SLC26A7: variants seen among roughly 807,000 people sequenced by gnomAD.
SLC26A7 encodes the protein anion exchange transporter.
A neutral mutation model predicts 82.5 loss-of-function variants in SLC26A7; 59 were observed. The observed-to-expected ratio is 0.72, with a 90% confidence interval of 0.58 to 0.89. The LOEUF (loss-of-function observed/expected upper bound fraction) is 0.89. Among genes scored for constraint, SLC26A7 ranks in the 40% least tolerant of loss-of-function variants. The pLI is 0.00. For missense variants in SLC26A7, 820 were observed against 793.0 expected (o/e 1.03, Z -0.41); for synonymous variants, 271 against 274.3 (o/e 0.99, Z 0.12).
intron 2 of SLC26A7, among the ~76,000 whole-genome samples, chr8:91,229,782 T>C (rs1484882708): frequency 6.6e-6 from 1 of 152,226 alleles, no homozygotes; most frequent in East Asian, 1.9e-4. Flanking sequence ...GTAAGGTTGC[T>C]GGATTTTACA....
At chr8:91,221,142 T>C (rs1016377985) in intron 2 of SLC26A7, among the ~76,000 whole-genome samples, 2 of 152,242 alleles carry the variant, frequency 1.3e-5, no homozygotes, top group Non-Finnish European at 2.9e-5. Flanking sequence ...TTTCTTCATA[T>C]GTTTGTTGGC....
intron 15 of SLC26A7, among the ~76,000 whole-genome samples, chr8:91,378,093 C>T (rs1814566504): frequency 6.6e-6 from 1 of 151,782 alleles, no homozygotes; most frequent in South Asian, 2.1e-4. Flanking sequence ...CATTATTTCC[C>T]AAAGAATTTG....
chr8:91,384,764 GAGGAAGGAAGGA>G (rs34207560), intron 15 of SLC26A7, among the ~76,000 whole-genome samples: 8 of 150,016 alleles, frequency 5.3e-5, no homozygotes, highest in East Asian at 1.9e-4. Flanking sequence ...TGACTGCTGG[GAGGAAGGAAGGA>G]AGGAAGGAAG....
chr8:91,272,878 G>C (rs1433265796), intron 2 of SLC26A7, among the ~76,000 whole-genome samples: 1 of 152,172 alleles, frequency 6.6e-6, no homozygotes, highest in Non-Finnish European at 1.5e-5. Flanking sequence ...GGCTAGTTAG[G>C]AGAGACTAGT....
At chr8:91,305,916 T>G (rs1188265894) in intron 4 of SLC26A7, among the ~76,000 whole-genome samples, 1 of 152,158 alleles carries the variant, frequency 6.6e-6, no homozygotes, top group Non-Finnish European at 1.5e-5. Flanking sequence ...AGATCAATCC[T>G]ACCAAAGCAC....
rs117386450 is a variant in SLC26A7, at chr8:91,318,816, G to A, written c.642+436G>A. Among the ~76,000 whole-genome samples the A allele has an allele frequency of 1.3e-3, 204 of 152,226 alleles. 1 individual carries two copies. The highest frequency in any genetic ancestry group is 2.2e-3 in the Non-Finnish European group (148 of 68,014). On this transcript the variant is annotated intron_variant, in intron 5 of 18. Coordinates refer to ENST00000276609, the MANE Select transcript of SLC26A7 (RefSeq NM_052832.4). ...CTGAAGCCTCAGTAGCAGACAATCAGCTATTAAAAACCACCTGAACCCAAG... is the reference window on the plus strand; with the variant it reads ...CTGAAGCCTCAGTAGCAGACAATCAACTATTAAAAACCACCTGAACCCAAG...
At chr8:91,248,282 A>G (rs941164902), upstream of SLC26A7, among the ~76,000 whole-genome samples, 2 of 152,088 alleles carry the variant, frequency 1.3e-5, no homozygotes, top group Non-Finnish European at 2.9e-5. Context: ...GTATTTTTGC[A>G]CAGACACAAA....
At chr8:91,237,151 T>A (rs1810404298) in intron 2 of SLC26A7, among the ~76,000 whole-genome samples, 1 of 152,180 alleles carries the variant, frequency 6.6e-6, no homozygotes, top group African/African-American at 2.4e-5. Context: ...GTATTTCCAA[T>A]CCAATTCACT....
intron 6 of SLC26A7, among the ~76,000 whole-genome samples, chr8:91,336,258 G>A (rs1813237986): frequency 6.6e-6 from 1 of 152,088 alleles, no homozygotes; most frequent in African/African-American, 2.4e-5. Context: ...ACCCTCTGAA[G>A]CAGGGGTCCT....
rs1306267648 is a variant in SLC26A7 at position 91,383,739 on chromosome 8, C to G, written c.1676-5599C>G. Among the ~76,000 whole-genome samples the G allele has an allele frequency of 2.0e-5, 3 of 152,170 alleles. No homozygotes were observed. In the East Asian group the frequency reaches 5.8e-4, roughly 29 times the overall value. On this transcript the variant is annotated intron_variant, in intron 15 of 18. Transcript: ENST00000276609. ...GAAGAGGCACTCTGTTGAGGTCTTT[C>G]TGAGCATTATGACTTGCTGGGTCTA...
rs557392701 is a variant in SLC26A7, at chr8:91,397,544, T to C, written c.*2447T>C. 1.3e-5 allele frequency: 2 copies of C among 152,688 alleles called. No homozygotes were observed. Among genetic ancestry groups the C allele is most frequent in the African/African-American group, 2.4e-5 (1 of 41,582 alleles). 9.5% of individuals were successfully genotyped at this position (152,688 alleles called of 1,614,324 possible). ...GTGTTAAGGACCTAATAGAGTGACATATATAAATTAAGCATAAAATATGTA... is the reference window on the plus strand; with the variant it reads ...GTGTTAAGGACCTAATAGAGTGACACATATAAATTAAGCATAAAATATGTA... On this transcript the variant is annotated 3_prime_UTR_variant, in exon 19 of 19. Transcript: ENST00000276609.
chr8:91,344,169 A>G, intron 9 of SLC26A7: 1 of 985,402 alleles, frequency 1.0e-6, no homozygotes, highest in African/African-American at 1.7e-5. Context: ...CCTATGAAAA[A>G]CTAAACCTTT....
At chr8:91,298,259 T>A (rs1052945496) in intron 4 of SLC26A7, among the ~76,000 whole-genome samples, 7 of 151,990 alleles carry the variant, frequency 4.6e-5, no homozygotes, top group Non-Finnish European at 8.8e-5. Context: ...TTTGTCTAAA[T>A]GTTCCCTACA....
intron 15 of SLC26A7, among the ~76,000 whole-genome samples, chr8:91,384,143 G>T (rs1365197449): frequency 6.6e-6 from 1 of 152,180 alleles, no homozygotes; most frequent in Non-Finnish European, 1.5e-5. Context: ...TCACTGAAAT[G>T]AGTCTGGAGA....
At chr8:91,226,341 G>C (rs1339854750) in intron 2 of SLC26A7, among the ~76,000 whole-genome samples, 1 of 152,186 alleles carries the variant, frequency 6.6e-6, no homozygotes, top group African/African-American at 2.4e-5. Context: ...AAAAACTAAT[G>C]AGAGTTTCTA....
intron 10 of SLC26A7, among the ~76,000 whole-genome samples, chr8:91,352,495 G>A (rs939652714): frequency 3.3e-5 from 5 of 151,954 alleles, no homozygotes; most frequent in Non-Finnish European, 7.4e-5. Context: ...ATATCTTCAG[G>A]TGAAATCAGA....
At chr8:91,210,547 A>G (rs1809890891) in intron 1 of SLC26A7, among the ~76,000 whole-genome samples, 1 of 113,628 alleles carries the variant, frequency 8.8e-6, no homozygotes. Flanking sequence ...TTAAACACAG[A>G]CACACACACA....
At chr8:91,323,937 G>A (rs1004985270) in intron 5 of SLC26A7, among the ~76,000 whole-genome samples, 1 of 149,748 alleles carries the variant, frequency 6.7e-6, no homozygotes, top group Admixed American at 6.7e-5. Flanking sequence ...AGCAATTCTC[G>A]TGCCTCAGCC....
At chr8:91,234,791 CCCTACCTACCTACCTACCTA>C (rs68154003) in intron 2 of SLC26A7, among the ~76,000 whole-genome samples, 26 of 121,534 alleles carry the variant, frequency 2.1e-4, no homozygotes, top group Middle Eastern at 3.8e-3. Flanking sequence ...TTCCCTCCCT[CCCTACCTACCTACCTACCTA>C]CCTACCTACC....
Sources: gnomAD v4.1 joint callset for allele counts (sites outside exome capture counted in the v4.1 genomes callset) on GRCh38, gnomAD v4.1.1 for gene constraint, MANE v1.5 for transcripts, NCBI Gene and HGNC (gene_info 2026-07-23, HGNC 2026-07-21) for gene names.